The following TTC28 variants were observed in gnomAD, a reference collection of about 807,000 sequenced individuals.
TTC28 encodes the protein tetratricopeptide repeat domain 28.
A neutral mutation model predicts 198.0 loss-of-function variants in TTC28; 61 were observed. That is an observed-to-expected ratio of 0.31 (90% CI 0.25 to 0.38). The LOEUF (loss-of-function observed/expected upper bound fraction) is 0.38, where lower values mean the gene tolerates loss of function less well. TTC28 is among the 10% of genes least tolerant of loss of function. The pLI, the probability that TTC28 is intolerant of heterozygous loss-of-function variation, is 1.00. For synonymous variants in TTC28, 1,171 were observed against 1,297.8 expected (o/e 0.90, Z 2.10); for missense variants, 2,678 against 3,164.0 (o/e 0.85, Z 3.69).
At chr22:28,404,344 T>C (rs1308444175) in intron 2 of TTC28, among the ~76,000 whole-genome samples, 2 of 152,156 alleles carry the variant, frequency 1.3e-5, no homozygotes, top group African/African-American at 4.8e-5. Context: ...GGTCTCGATC[T>C]CCTGACCTCA....
chr22:28,463,936 A>G (rs1190007971), intron 2 of TTC28, among the ~76,000 whole-genome samples: 3 of 151,874 alleles, frequency 2.0e-5, no homozygotes, highest in Non-Finnish European at 1.5e-5. Context: ...ATTTAAAAAA[A>G]TAAAAATTAA....
intron 2 of TTC28, among the ~76,000 whole-genome samples, chr22:28,417,419 G>A (rs1166753620): frequency 6.6e-6 from 1 of 151,316 alleles, no homozygotes; most frequent in African/African-American, 2.4e-5. Context: ...AGACTACAGT[G>A]AGCTATGACC....
At chr22:28,590,569 A>G (rs2050409505) in intron 2 of TTC28, among the ~76,000 whole-genome samples, 1 of 152,202 alleles carries the variant, frequency 6.6e-6, no homozygotes, top group South Asian at 2.1e-4. Flanking sequence ...CCTGGGCAAC[A>G]TAGCAAGACA....
intron 2 of TTC28, among the ~76,000 whole-genome samples, chr22:28,621,930 A>G (rs541253110): frequency 6.6e-6 from 1 of 152,334 alleles, no homozygotes; most frequent in East Asian, 1.9e-4. Flanking sequence ...TCATTAAATC[A>G]CTGAAAATAT....
At chr22:28,541,212 T>C (rs2049404021) in intron 2 of TTC28, among the ~76,000 whole-genome samples, 1 of 152,150 alleles carries the variant, frequency 6.6e-6, no homozygotes, top group South Asian at 2.1e-4. Context: ...TTTTAGAAAC[T>C]GAACAATAGG....
chr22:28,326,645 C>T (rs1305462741), intron 2 of TTC28, among the ~76,000 whole-genome samples: 1 of 152,162 alleles, frequency 6.6e-6, no homozygotes, highest in East Asian at 1.9e-4. Context: ...ATACCTTTTA[C>T]TTGGAGATAT....
At chr22:28,175,038 A>T (rs75580797) in intron 5 of TTC28, among the ~76,000 whole-genome samples, 1 of 150,262 alleles carries the variant, frequency 6.7e-6, no homozygotes, top group African/African-American at 2.5e-5. Flanking sequence ...AAAAAAAAAA[A>T]GGACTGGGAA....
intron 19 of TTC28, among the ~76,000 whole-genome samples, 163 bp from the exon 20 acceptor site, chr22:27,990,975 A>G (rs1422072940): frequency 1.3e-5 from 2 of 152,124 alleles, no homozygotes; most frequent in Admixed American, 6.6e-5. Context: ...TCAGCAGGGG[A>G]CACACAGGAG....
intron 12 of TTC28, among the ~76,000 whole-genome samples, chr22:28,080,633 T>A (rs1941314314): frequency 6.6e-6 from 1 of 152,208 alleles, no homozygotes; most frequent in Non-Finnish European, 1.5e-5. Context: ...ATTCATAGGC[T>A]GCCTTTTCAA....
chr22:28,335,520 G>A (rs1335583148), intron 2 of TTC28, among the ~76,000 whole-genome samples: 1 of 150,318 alleles, frequency 6.7e-6, no homozygotes, highest in Non-Finnish European at 1.5e-5. Context: ...TTGTTGGGCA[G>A]TGGTTTGTAC....
chr22:28,602,420 A>C (rs916200877), intron 2 of TTC28, among the ~76,000 whole-genome samples: 1 of 152,212 alleles, frequency 6.6e-6, no homozygotes, highest in African/African-American at 2.4e-5. Flanking sequence ...GTACTGTATC[A>C]ATGATAATGT....
chr22:28,026,673 C>T (rs1271227750), intron 13 of TTC28, among the ~76,000 whole-genome samples: 1 of 152,106 alleles, frequency 6.6e-6, no homozygotes, highest in Non-Finnish European at 1.5e-5. Flanking sequence ...GGGAAGTTGT[C>T]TAGCAGGGCA....
chr22:28,192,023 A>C (rs1169664922), intron 5 of TTC28, among the ~76,000 whole-genome samples: 2 of 152,186 alleles, frequency 1.3e-5, no homozygotes, highest in African/African-American at 2.4e-5. Flanking sequence ...GAGTAGCCTA[A>C]CTGGGAGGCA....
At chr22:28,087,031 C>T (rs1941631391) in intron 12 of TTC28, among the ~76,000 whole-genome samples, 1 of 152,094 alleles carries the variant, frequency 6.6e-6, no homozygotes, top group African/African-American at 2.4e-5. Flanking sequence ...AGCTTACCAA[C>T]CAAAAAGAGT....
At chr22:28,602,754 T>C (rs1323248628) in intron 2 of TTC28, among the ~76,000 whole-genome samples, 1 of 152,262 alleles carries the variant, frequency 6.6e-6, no homozygotes, top group African/African-American at 2.4e-5. Flanking sequence ...AAAAGAAATA[T>C]CTAAACTGTT....
intron 6 of TTC28, among the ~76,000 whole-genome samples, chr22:28,114,088 T>G (rs540047337): frequency 6.6e-6 from 1 of 152,318 alleles, no homozygotes; most frequent in South Asian, 2.1e-4. Flanking sequence ...CAGCACTTTG[T>G]CCTGTTGCCT....
At chr22:28,163,010 T>A (rs570989137) in intron 6 of TTC28, 82 bp downstream of exon 6, 7 of 1,396,142 alleles carry the variant, frequency 5.0e-6, no homozygotes, top group East Asian at 5.0e-5. Flanking sequence ...ACACACAGAT[T>A]CCTATAAAAG....
chr22:28,423,031 A>G (rs2047286478), intron 2 of TTC28, among the ~76,000 whole-genome samples: 1 of 152,194 alleles, frequency 6.6e-6, no homozygotes, highest in Non-Finnish European at 1.5e-5. Context: ...TGTATCTGTC[A>G]TGTAAAAGTT....
chr22:28,123,349 G>A (rs1317070827), intron 6 of TTC28, among the ~76,000 whole-genome samples: 7 of 151,890 alleles, frequency 4.6e-5, no homozygotes, highest in East Asian at 1.9e-4. Flanking sequence ...TCCGCCTCCC[G>A]GGTTCAAGTG....
Sources: gnomAD v4.1 joint callset for allele counts (sites outside exome capture counted in the v4.1 genomes callset) on GRCh38, gnomAD v4.1.1 for gene constraint, MANE v1.5 for transcripts, NCBI Gene and HGNC (gene_info 2026-07-23, HGNC 2026-07-21) for gene names.